The following NCAM2 variants were observed in gnomAD, a reference collection of about 807,000 sequenced individuals.
NCAM2 encodes N-CAM-2.
In NCAM2, 30 loss-of-function variants were observed where a neutral mutation model predicts 98.1. That is an observed-to-expected ratio of 0.31 (90% CI 0.23 to 0.41). The LOEUF (loss-of-function observed/expected upper bound fraction) is 0.41. NCAM2 is among the 10% of genes least tolerant of loss of function. NCAM2 has a pLI of 1.00. For synonymous variants in NCAM2, 368 were observed against 342.4 expected (o/e 1.07, Z -0.83); for missense variants, 867 against 1,005.8 (o/e 0.86, Z 1.87).
At chr21:21,369,643 C>T (rs2075868483) in intron 8 of NCAM2, among the ~76,000 whole-genome samples, 1 of 151,842 alleles carries the variant, frequency 6.6e-6, no homozygotes, top group African/African-American at 2.4e-5. Context: ...ATGGTAGCCA[C>T]TCCAATGAAT....
chr21:21,163,854 A>G (rs753466185), intron 1 of NCAM2, among the ~76,000 whole-genome samples: 2 of 152,206 alleles, frequency 1.3e-5, no homozygotes, highest in African/African-American at 4.8e-5. Context: ...GGACTGAAAT[A>G]CAATGCTATT....
At chr21:21,421,305 T>G (rs1363116819) in intron 11 of NCAM2, among the ~76,000 whole-genome samples, 1 of 152,038 alleles carries the variant, frequency 6.6e-6, no homozygotes, top group Non-Finnish European at 1.5e-5. Context: ...CTAGTGACTA[T>G]ATTAAATTAC....
intron 8 of NCAM2, among the ~76,000 whole-genome samples, chr21:21,341,157 T>C (rs1316655152): frequency 2.0e-5 from 3 of 152,120 alleles, no homozygotes; most frequent in African/African-American, 7.2e-5. Context: ...GCATAGTTTA[T>C]CTTGTTGCCT....
chr21:21,400,908 G>A (rs911171078), intron 9 of NCAM2, among the ~76,000 whole-genome samples: 13 of 152,044 alleles, frequency 8.6e-5, no homozygotes, highest in Admixed American at 2.6e-4. Context: ...AAAGTAATAT[G>A]CATGTTTATT....
At chr21:21,292,299 T>A (rs60892739) in intron 5 of NCAM2, 58 bp downstream of exon 5, 301,611 of 1,534,054 alleles carry the variant, frequency 0.2, 30,900 homozygotes, top group African/African-American at 0.25. Context: ...TGTTTTTTAT[T>A]AAATGGCAAC....
rs2069861992 is a variant in NCAM2 at position 21,215,592 on chromosome 21, G to C, written c.56-64986G>C. Among the ~76,000 whole-genome samples the C allele has an allele frequency of 2.0e-5, 3 of 152,044 alleles. No individual in the cohort carries two copies. In the South Asian group the frequency reaches 6.2e-4, roughly 32 times the overall value. On this transcript the variant is annotated intron_variant, in intron 1 of 17. Transcript: ENST00000400546. ...ACAAAAACAAAATTAGCCGGGCGTGGTGGTGCAAGCCTGTCATCCCAGCTA... is the reference window on the plus strand; with the variant it reads ...ACAAAAACAAAATTAGCCGGGCGTGCTGGTGCAAGCCTGTCATCCCAGCTA...
chr21:21,536,311 G>A (rs1359465515), intron 17 of NCAM2, among the ~76,000 whole-genome samples: 4 of 151,178 alleles, frequency 2.6e-5, no homozygotes, highest in Admixed American at 6.6e-5. Context: ...ATAAATCCCA[G>A]ATGAACTAGC....
At position 21,431,418 on chromosome 21, in the gene NCAM2, C is replaced by A. The variant is rs568127707; in HGVS notation, c.1481-690C>A. Among the ~76,000 whole-genome samples the A allele has an allele frequency of 7.3e-5, 11 of 150,728 alleles. No individual in the cohort carries two copies. In the East Asian group the frequency reaches 1.8e-3, roughly 24 times the overall value. On this transcript the variant is annotated intron_variant, in intron 11 of 17. Coordinates refer to ENST00000400546, the MANE Select transcript of NCAM2 (RefSeq NM_004540.5). ...CTAAATTAAATGTCCACCTAAGATA[C>A]CTTATTGAACTTGAAATAATTTAAG...
intron 9 of NCAM2, among the ~76,000 whole-genome samples, chr21:21,406,436 A>G (rs1156522180): frequency 6.6e-6 from 1 of 152,184 alleles, no homozygotes; most frequent in Non-Finnish European, 1.5e-5. Context: ...GAACTCTTAT[A>G]AATGGATTTG....
chr21:21,479,360 G>A (rs1985564698), intron 15 of NCAM2, among the ~76,000 whole-genome samples: 1 of 151,572 alleles, frequency 6.6e-6, no homozygotes, highest in African/African-American at 2.4e-5. Context: ...CAGGTGGGCG[G>A]ATCACGAGGT....
intron 1 of NCAM2, among the ~76,000 whole-genome samples, chr21:21,236,817 T>G (rs1357929148): frequency 1.3e-5 from 2 of 151,674 alleles, no homozygotes; most frequent in South Asian, 2.1e-4. Context: ...ACAAATAAAA[T>G]TTGGAGTCTT....
chr21:21,072,623 T>A (rs2065596459), intron 1 of NCAM2, among the ~76,000 whole-genome samples: 1 of 152,152 alleles, frequency 6.6e-6, no homozygotes, highest in Admixed American at 6.6e-5. Flanking sequence ...TGAAAACGTT[T>A]CATTGAAACT....
chr21:21,204,721 A>G (rs1275882968), intron 1 of NCAM2, among the ~76,000 whole-genome samples: 1 of 152,116 alleles, frequency 6.6e-6, no homozygotes, highest in Non-Finnish European at 1.5e-5. Flanking sequence ...TCTACTCTCT[A>G]TTATATAGAA....
chr21:21,279,212 C>A (rs1017844363), intron 1 of NCAM2, among the ~76,000 whole-genome samples: 22 of 152,210 alleles, frequency 1.4e-4, no homozygotes, highest in Non-Finnish European at 7.3e-5. Context: ...GGCAAAACTT[C>A]TGGTTTATCT....
At chr21:21,347,520 C>T (rs1431473946) in intron 8 of NCAM2, among the ~76,000 whole-genome samples, 1 of 151,876 alleles carries the variant, frequency 6.6e-6, no homozygotes, top group Non-Finnish European at 1.5e-5. Context: ...TAAAAATCCT[C>T]CATAAAGAAA....
intron 8 of NCAM2, among the ~76,000 whole-genome samples, chr21:21,339,375 A>G (rs1345040423): frequency 6.6e-6 from 1 of 152,082 alleles, no homozygotes; most frequent in Non-Finnish European, 1.5e-5. Flanking sequence ...ATGAAACATT[A>G]CTATATGTTT....
intron 1 of NCAM2, among the ~76,000 whole-genome samples, chr21:21,253,630 G>T (rs916417480): frequency 1.3e-5 from 2 of 152,102 alleles, no homozygotes; most frequent in African/African-American, 2.4e-5. Context: ...AGAAATAAAT[G>T]TTTGTTCTTT....
Position 21,284,416 on chromosome 21 carries a change from A to T in NCAM2, c.337+16A>T. On this transcript the variant is annotated intron_variant, in intron 3 of 17. Coordinates refer to ENST00000400546, the MANE Select transcript of NCAM2 (RefSeq NM_004540.5). ...GAAATTTACCGTAAGTAATGTATTT[A>T]TATGTTTTAGTTTATTCAATTTCAG... The T allele has an allele frequency of 6.3e-7, 1 of 1,580,540 alleles. No homozygotes were observed. Among genetic ancestry groups the T allele is most frequent in the Non-Finnish European group, 8.7e-7 (1 of 1,151,824 alleles).
At chr21:21,426,217 C>T (rs73324852) in intron 11 of NCAM2, among the ~76,000 whole-genome samples, 3,816 of 151,914 alleles carry the variant, frequency 0.025, 155 homozygotes, top group African/African-American at 0.088. Context: ...ACAGCATGAT[C>T]GAAACAAGAA....
Sources: allele counts gnomAD v4.1 joint callset (sites outside exome capture counted in the v4.1 genomes callset), GRCh38; gene constraint gnomAD v4.1.1; transcripts MANE v1.5; gene names NCBI Gene and HGNC (gene_info 2026-07-23, HGNC 2026-07-21).